Variants in SAMD5 observed in about 807,000 individuals in gnomAD.
SAMD5 encodes the protein sterile alpha motif domain containing 5.
Under a neutral mutation model 11.3 loss-of-function variants are expected in SAMD5, and 13 were observed. The ratio of observed to expected loss-of-function variants is 1.15; its 90% confidence interval spans 0.75 to 1.83. SAMD5 has a LOEUF of 1.83. Ranked by LOEUF, SAMD5 falls within the 40% of genes most tolerant of loss-of-function variation. SAMD5 has a pLI of 0.00. For synonymous variants in SAMD5, 129 were observed against 111.3 expected, an observed-to-expected ratio of 1.16 and a Z score of -1.00; for missense variants, 255 against 239.1, an observed-to-expected ratio of 1.07 and a Z score of -0.44.
chr6:147,858,754 G>GAATTTGGTCAGAA, the SAMD5 span, among the ~76,000 whole-genome samples: 1 of 152,226 alleles, frequency 6.6e-6, no homozygotes, highest in East Asian at 1.9e-4. Flanking sequence ...CAGAAGCTGT[G>GAATTTGGTCAGAA]GCATGGTGAA....
the SAMD5 span, among the ~76,000 whole-genome samples, chr6:147,843,769 G>T: frequency 6.6e-6 from 1 of 152,150 alleles, no homozygotes; most frequent in Non-Finnish European, 1.5e-5. Flanking sequence ...AATAAATAGT[G>T]TTGGGAAAAC....
At chr6:147,668,541 G>A (rs1410710734) in intron 1 of SAMD5, among the ~76,000 whole-genome samples, 3 of 152,150 alleles carry the variant, frequency 2.0e-5, no homozygotes, top group Non-Finnish European at 2.9e-5. Context: ...TGGTTTCCCA[G>A]TGCATGTAAA....
At chr6:147,632,327 G>A (rs987209386) in intron 1 of SAMD5, among the ~76,000 whole-genome samples, 5 of 152,182 alleles carry the variant, frequency 3.3e-5, no homozygotes, top group African/African-American at 9.7e-5. Context: ...TAACAGCATG[G>A]TGGTGCAGGA....
intron 1 of SAMD5, among the ~76,000 whole-genome samples, chr6:147,603,641 C>A (rs371994145): frequency 1.3e-5 from 2 of 152,280 alleles, no homozygotes; most frequent in South Asian, 4.1e-4. Context: ...TGTCACAGAA[C>A]TGGTTATGTG....
intron 1 of SAMD5, among the ~76,000 whole-genome samples, chr6:147,549,183 C>T (rs1788729828): frequency 6.6e-6 from 1 of 152,210 alleles, no homozygotes; most frequent in African/African-American, 2.4e-5. Context: ...CCCATCCTGA[C>T]TGATAAACGC....
chr6:147,826,350 C>T, the SAMD5 span, among the ~76,000 whole-genome samples: 1 of 152,196 alleles, frequency 6.6e-6, no homozygotes, highest in Non-Finnish European at 1.5e-5. Context: ...GTGAAGTAAC[C>T]CTCAATGGCT....
chr6:147,919,653 C>T, the SAMD5 span, among the ~76,000 whole-genome samples: 5 of 152,224 alleles, frequency 3.3e-5, no homozygotes, highest in Admixed American at 6.5e-5. Flanking sequence ...ACCATATTGA[C>T]TGATTGTCTG....
chr6:147,810,225 T>G, the SAMD5 span, among the ~76,000 whole-genome samples: 1 of 152,244 alleles, frequency 6.6e-6, no homozygotes, highest in Non-Finnish European at 1.5e-5. Context: ...GGTATATTCC[T>G]GTGAATTTCA....
At chr6:147,554,336 C>T (rs1788819930) in intron 1 of SAMD5, among the ~76,000 whole-genome samples, 1 of 152,166 alleles carries the variant, frequency 6.6e-6, no homozygotes, top group South Asian at 2.1e-4. Flanking sequence ...ACCATATCAA[C>T]ATGCAAATGT....
chr6:147,567,879 C>T lies in SAMD5; in HGVS notation c.*3423C>T, dbSNP rs1056857714. 8.1e-6 allele frequency: 8 copies of T among 985,258 alleles called. No individual in the cohort carries two copies. In the African/African-American group the frequency reaches 1.4e-4, roughly 17 times the overall value. The allele number at this position is 985,258 out of a possible 1,614,324, so 61.0% of individuals were successfully genotyped here. On this transcript the variant is annotated 3_prime_UTR_variant, in exon 2 of 2. Transcript: ENST00000367474. The stretch of plus-strand genomic sequence containing the variant: ...ATGAAAAGAATTTGATTTAAGGAAA[C>T]AATAACACTCCATCCTGGGCAACAG...
chr6:147,711,841 A>C lies in SAMD5; in HGVS notation c.163-25476A>C, dbSNP rs1333343065. Among the ~76,000 whole-genome samples, 3 of 152,220 alleles carry C rather than the reference A, an allele frequency of 2.0e-5. No individual in the cohort carries two copies. The highest frequency in any genetic ancestry group is 6.5e-5 in the Admixed American group (1 of 15,280). Reference sequence around the variant, plus strand: ...CTGATGACATTAGTAACAGTGTCAAATGTCATGAATGGCTAATTGCTTGCC... The same window carrying C: ...CTGATGACATTAGTAACAGTGTCAACTGTCATGAATGGCTAATTGCTTGCC... On this transcript the variant is annotated intron_variant, in intron 1 of 1. Coordinates refer to the SAMD5 transcript ENST00000566741. The surrounding 1 kb of genome is among the most constrained non-coding windows in gnomAD (Gnocchi z 4.1).
intron 1 of SAMD5, among the ~76,000 whole-genome samples, chr6:147,586,848 C>T (rs986412643): frequency 6.6e-6 from 1 of 152,028 alleles, no homozygotes; most frequent in African/African-American, 2.4e-5. Flanking sequence ...TCACTTTTCT[C>T]TTTCTCTGAT....
At chr6:147,721,387 C>A (rs546109839) in intron 1 of SAMD5, among the ~76,000 whole-genome samples, 42 of 152,124 alleles carry the variant, frequency 2.8e-4, no homozygotes, top group Middle Eastern at 3.4e-3. Context: ...TAATGATTGC[C>A]ATTCTAACTG....
intron 1 of SAMD5, among the ~76,000 whole-genome samples, chr6:147,637,858 C>T (rs540127268): frequency 7.6e-5 from 9 of 119,170 alleles, no homozygotes; most frequent in African/African-American, 2.3e-4. Flanking sequence ...AAAGCAAGTT[C>T]GGTTTTTTTT....
the SAMD5 span, among the ~76,000 whole-genome samples, chr6:147,805,884 C>T: frequency 3.3e-5 from 5 of 152,152 alleles, no homozygotes; most frequent in African/African-American, 1.2e-4. Flanking sequence ...ATATAAGGTA[C>T]TGATCCACTT....
At chr6:147,630,116 ATTTTGTATTT>A (rs1790125853) in intron 1 of SAMD5, among the ~76,000 whole-genome samples, 1 of 151,382 alleles carries the variant, frequency 6.6e-6, no homozygotes, top group Non-Finnish European at 1.5e-5. Flanking sequence ...CGCCTGGCTA[ATTTTGTATTT>A]TTAGTAGAGA....
downstream of SAMD5, among the ~76,000 whole-genome samples, chr6:147,571,248 A>T (rs1037340595): frequency 6.6e-6 from 1 of 152,156 alleles, no homozygotes; most frequent in Non-Finnish European, 1.5e-5. Flanking sequence ...AAATGGGGAA[A>T]TGTATGCCTG....
In SAMD5 at chr6:147,694,883, G is replaced by A. The variant is rs532311742; in HGVS notation, c.163-42434G>A. The stretch of plus-strand genomic sequence containing the variant: ...TCTGCAGTGATATTCTGGAAATTCT[G>A]AACTCATATCAATAAGCAGTCAATA... On this transcript the variant is annotated intron_variant, in intron 1 of 1. Transcript: ENST00000566741. Among the ~76,000 whole-genome samples, 17 of 152,248 alleles carry A rather than the reference G, an allele frequency of 1.1e-4. No homozygotes were observed. The South Asian group carries it at 3.3e-3, about 30-fold the overall frequency.
intron 1 of SAMD5, among the ~76,000 whole-genome samples, chr6:147,558,292 G>A (rs1033520990): frequency 1.3e-5 from 2 of 152,170 alleles, no homozygotes; most frequent in Non-Finnish European, 2.9e-5. Context: ...ATGAGAGCCA[G>A]GCAACAGAAG....
Sources: gnomAD v4.1 joint callset for allele counts (sites outside exome capture counted in the v4.1 genomes callset) on GRCh38, gnomAD v4.1.1 for gene constraint, Gnocchi (gnomAD v3.1) non-coding constraint, MANE v1.5 for transcripts, NCBI Gene and HGNC (gene_info 2026-07-23, HGNC 2026-07-21) for gene names.